Variants in NABP2 observed in about 807,000 individuals in gnomAD.
NABP2 encodes SOSS complex subunit B1.
NABP2 carries 7 observed loss-of-function variants against 22.7 expected under a neutral mutation model. That is an observed-to-expected ratio of 0.31 (90% CI 0.18 to 0.58). The LOEUF is 0.58. Ranked by LOEUF, NABP2 falls within the 20% of genes least tolerant of loss-of-function variation. NABP2 has a pLI of 0.89. For missense variants in NABP2, 188 were observed against 265.9 expected (o/e 0.71, Z 2.04); for synonymous variants, 107 against 99.2 (o/e 1.08, Z -0.47).
intron 5 of NABP2, 40 bp downstream of exon 5, chr12:56,226,300 T>C: frequency 1.2e-6 from 2 of 1,613,968 alleles, no homozygotes; most frequent in Non-Finnish European, 1.7e-6. Context: ...GGAGGGCAGA[T>C]CAAGACAAGA....
chr12:56,228,044 T>G (rs1021021022), intron 6 of NABP2, among the ~76,000 whole-genome samples: 1 of 151,520 alleles, frequency 6.6e-6, no homozygotes, highest in African/African-American at 2.4e-5. Flanking sequence ...AATACAAAAT[T>G]AGCCAGGCGT....
chr12:56,227,344 C>T (rs1869820425), intron 6 of NABP2, among the ~76,000 whole-genome samples: 1 of 150,992 alleles, frequency 6.6e-6, no homozygotes, highest in African/African-American at 2.4e-5. Context: ...CCACTGCACT[C>T]CAGCTTGCGC....
intron 6 of NABP2, 136 bp downstream of exon 6, chr12:56,226,555 C>T (rs1324346241): frequency 1.9e-6 from 1 of 530,256 alleles, no homozygotes; most frequent in Admixed American, 4.2e-5. Flanking sequence ...TCTCCCAGAC[C>T]CCTTTTTTTT....
chr12:56,228,437 AGTGCAATG>A (rs1182051017), intron 6 of NABP2, among the ~76,000 whole-genome samples: 2 of 148,852 alleles, frequency 1.3e-5, no homozygotes, highest in African/African-American at 5.0e-5. Context: ...CCCGGGCTGG[AGTGCAATG>A]GTGCAATCTC....
Position 56,224,935 on chromosome 12 carries a change from G to GGT in NABP2, c.79+3_79+4dup. 1 of 1,606,826 alleles carries GGT rather than the reference G, an allele frequency of 6.2e-7. No individual in the cohort carries two copies. The highest frequency in any genetic ancestry group is 8.5e-7 in the Non-Finnish European group (1 of 1,174,686). On this transcript the variant is annotated frameshift_variant and splice_region_variant. Transcript: ENST00000267023. LOFTEE classifies it high-confidence loss of function. ...CCTTATCTTCATTGTGCTGGAGACA[G>GGT]GTGTCTATACTGGGGTGGCGGGTTC... is the stretch of plus-strand genomic sequence containing the variant.
upstream of NABP2, chr12:56,223,753 G>A (rs968721410): frequency 1.3e-5 from 2 of 152,198 alleles, no homozygotes; most frequent in African/African-American, 4.8e-5. Flanking sequence ...TGTGCCTACT[G>A]TGTGCAAGGC....
At chr12:56,225,733 A>G (rs774872911) in intron 4 of NABP2, 38 bp downstream of exon 4, 6 of 1,606,228 alleles carry the variant, frequency 3.7e-6, no homozygotes, top group Non-Finnish European at 5.1e-6. Context: ...AAGAAGCACC[A>G]GGGCAAAGGG....
intron 1 of NABP2, 181 bp from the exon 2 acceptor site, chr12:56,224,653 A>G: frequency 1.0e-6 from 1 of 1,000,206 alleles, no homozygotes; most frequent in Non-Finnish European, 1.4e-6. Context: ...CTGTCCAGAG[A>G]CCCCCAAATT....
rs985660055 is a variant in NABP2, at chr12:56,224,347, C to T, written c.-118C>T. On this transcript the variant is annotated 5_prime_UTR_variant, in exon 1 of 7. Coordinates refer to ENST00000267023, the MANE Select transcript of NABP2 (RefSeq NM_024068.4). Reference sequence around the variant, plus strand: ...GGAAACTTCCGGGAATGTCCGCACTCCCGCGTTCCACGGGGCAGCATCCGG... The same window carrying T: ...GGAAACTTCCGGGAATGTCCGCACTTCCGCGTTCCACGGGGCAGCATCCGG... 11 of 987,844 alleles carry T rather than the reference C, an allele frequency of 1.1e-5. No homozygotes were observed. In the African/African-American group the frequency reaches 1.7e-4, roughly 16 times the overall value. The allele number at this position is 987,844 out of a possible 1,614,324, so 61.2% of individuals were successfully genotyped here. A position where few individuals can be genotyped will look rare whatever the true frequency, so the allele number is the denominator to read the frequency against.
intron 6 of NABP2, among the ~76,000 whole-genome samples, chr12:56,228,616 G>A (rs1398685604): frequency 6.6e-6 from 1 of 152,006 alleles, no homozygotes; most frequent in Non-Finnish European, 1.5e-5. Flanking sequence ...TCGAATGCCT[G>A]ACCTCGTGAT....
At position 56,225,425 on chromosome 12, in the gene NABP2, G is replaced by A. The variant is rs767751192; in HGVS notation, c.132G>A (p.Ala44=). The part of the protein sequence containing the change: ...DGHEVRTCKV[A]DKTGSINISV... ...ATGAGGTTCGGACCTGCAAAGTGGC[G>A]GACAAAACAGGCAGCATCAATATCT... Residue 44 remains alanine (A), a synonymous_variant, in exon 3 of 7, where the codon GCG becomes GCA. Transcript: ENST00000267023. The A allele has an allele frequency of 1.9e-5, 31 of 1,614,008 alleles. No homozygotes were observed. In the South Asian group the frequency reaches 2.6e-4, roughly 14 times the overall value.
upstream of NABP2, among the ~76,000 whole-genome samples, chr12:56,222,609 C>T (rs995660758): frequency 1.3e-5 from 2 of 152,044 alleles, no homozygotes; most frequent in African/African-American, 4.8e-5. Flanking sequence ...GGGATGTGGG[C>T]GGTAGAGAAC....
At chr12:56,223,951 T>A (rs73340401), upstream of NABP2, among the ~76,000 whole-genome samples, 6,881 of 152,236 alleles carry the variant, frequency 0.045, 531 homozygotes, top group African/African-American at 0.16. Flanking sequence ...CACCGCGCCT[T>A]GCGGAATTGG....
chr12:56,228,802 A>C (rs924174503), intron 6 of NABP2, among the ~76,000 whole-genome samples: 1 of 152,206 alleles, frequency 6.6e-6, no homozygotes, highest in African/African-American at 2.4e-5. Context: ...ACCGAGGTTC[A>C]TGTAGCAACT....
chr12:56,223,275 A>T (rs921262159), upstream of NABP2, among the ~76,000 whole-genome samples: 1 of 152,088 alleles, frequency 6.6e-6, no homozygotes, highest in Non-Finnish European at 1.5e-5. Context: ...GGGGAAGAGT[A>T]GTATGGCCAG....
chr12:56,224,327 C>T, upstream of NABP2: 1 of 987,304 alleles, frequency 1.0e-6, no homozygotes, highest in Non-Finnish European at 1.2e-6. Context: ...CCGGGGGAAA[C>T]TTCCGGGAAT....
At chr12:56,224,289 G>A (rs1208185130), upstream of NABP2, 7 of 979,636 alleles carry the variant, frequency 7.1e-6, no homozygotes, top group Non-Finnish European at 8.5e-6. Flanking sequence ...GCGCGCCCGG[G>A]CGGTGCTGAT....
rs1869754426 is a variant in NABP2, at chr12:56,226,236, C to T, written c.348C>T (p.Ser116=). Residue 116 remains serine, a synonymous_variant, in exon 5 of 7, where the codon AGC becomes AGT. Transcript: ENST00000267023. ...PNFSEPNPEY[S]TQQAPNKAVQ... ...TCAGTGAGCCAAACCCAGAGTACAG[C>T]ACCCAGCAGGCACCCAACAAGGCGG... The T allele has an allele frequency of 6.2e-7, 1 of 1,614,048 alleles. No individual in the cohort carries two copies. The highest frequency in any genetic ancestry group is 2.2e-5 in the East Asian group (1 of 44,898).
intron 2 of NABP2, 76 bp from the exon 3 acceptor site, chr12:56,225,297 C>A: frequency 6.3e-7 from 1 of 1,577,800 alleles, no homozygotes; most frequent in Non-Finnish European, 8.7e-7. Flanking sequence ...CACCAATATC[C>A]ACATCTCATC....
Sources: allele counts gnomAD v4.1 joint callset (sites outside exome capture counted in the v4.1 genomes callset), GRCh38; gene constraint gnomAD v4.1.1; transcripts MANE v1.5; gene names NCBI Gene and HGNC (gene_info 2026-07-23, HGNC 2026-07-21).